The following EML6 variants were observed in gnomAD, a reference collection of about 807,000 sequenced individuals.
EML6 encodes the protein EMAP like 6.
In EML6, 154 loss-of-function variants were observed where a neutral mutation model predicts 240.1. That is an observed-to-expected ratio of 0.64 (90% CI 0.56 to 0.73). The LOEUF (loss-of-function observed/expected upper bound fraction) is 0.73. Ranked by LOEUF, EML6 falls within the 30% of genes least tolerant of loss-of-function variation. EML6 has a pLI of 0.00. For synonymous variants in EML6, 1,148 were observed against 899.0 expected (o/e 1.28, Z -4.95); for missense variants, 2,964 against 2,474.6 (o/e 1.20, Z -4.20).
At chr2:54,787,884 GA>G (rs1669173285) in intron 2 of EML6, among the ~76,000 whole-genome samples, 1 of 151,728 alleles carries the variant, frequency 6.6e-6, no homozygotes, top group African/African-American at 2.4e-5. Context: ...TAAGTTATTT[GA>G]AACCCGGTTG....
chr2:54,749,117 A>G (rs930369608), intron 2 of EML6, among the ~76,000 whole-genome samples: 1 of 152,244 alleles, frequency 6.6e-6, no homozygotes, highest in Non-Finnish European at 1.5e-5. Context: ...ACCAATGGAC[A>G]TGTAGGAAAA....
At chr2:54,909,277 G>A (rs1042511483) in intron 24 of EML6, among the ~76,000 whole-genome samples, 1 of 152,198 alleles carries the variant, frequency 6.6e-6, no homozygotes, top group African/African-American at 2.4e-5. Flanking sequence ...TAGTTCATCG[G>A]AAAAGTATTG....
chr2:54,954,003 A>G lies in EML6; in HGVS notation c.4333A>G (p.Ile1445Val). The G allele has an allele frequency of 5.2e-6, 8 of 1,551,492 alleles. No individual in the cohort carries two copies. Among genetic ancestry groups the G allele is most frequent in the Non-Finnish European group, 7.0e-6 (8 of 1,146,788 alleles). ...CTCAGGGACAACACCTTCCATCCAC[A>G]TATGGGACGCCATGACCAAACACAC... ...SQIGTTPSIHIWDAMTKHTLS... is the reference protein window; with the variant it reads ...SQIGTTPSIHVWDAMTKHTLS... Residue 1445 changes from isoleucine (I) to valine (V), a missense_variant, in exon 32 of 42, where the codon ATA becomes GTA. Physicochemically the swap from Ile to Val is conservative, Grantham distance 29. Transcript: ENST00000356458.
At position 54,950,734 on chromosome 2, in the gene EML6, A is replaced by G. The variant is rs765987218; in HGVS notation, c.4168A>G (p.Ile1390Val). 1.7e-5 allele frequency: 26 copies of G among 1,551,698 alleles called. No homozygotes were observed. The Middle Eastern group carries it at 5.0e-4, about 30-fold the overall frequency. Residue 1390 changes from isoleucine to valine, a missense_variant, in exon 30 of 42, where the codon ATC becomes GTC. Physicochemically the swap from Ile to Val is conservative, Grantham distance 29. Coordinates refer to ENST00000356458, the MANE Select transcript of EML6 (RefSeq NM_001039753.4). ...TTACCTTAATGATGGCGCTGACATC[A>G]TCTTCCACACAGCAGCGGCTGGCAT... is the stretch of plus-strand genomic sequence containing the variant. ...LHYLNDGADI[I>V]FHTAAAGIVQ...
Position 54,869,222 on chromosome 2 carries a change from A to C in EML6, c.2093A>C (p.Gln698Pro). 1 of 1,551,802 alleles carries C rather than the reference A, an allele frequency of 6.4e-7. No individual in the cohort carries two copies. The highest frequency in any genetic ancestry group is 1.7e-4 in the Middle Eastern group (1 of 5,928). Residue 698 changes from glutamine to proline, a missense_variant, in exon 15 of 42, where the codon CAA becomes CCA. Gln to Pro is a moderately conservative substitution (Grantham distance 76). Transcript: ENST00000356458. ...YDCRNNLFYT[Q>P]AGEVVYHIAA... ...TGTAGAAACAATCTGTTCTACACAC[A>C]AGCTGGAGAAGTAGTCTACCACATT...
At chr2:54,948,354 T>G (rs1675795592) in intron 28 of EML6, among the ~76,000 whole-genome samples, 1 of 152,116 alleles carries the variant, frequency 6.6e-6, no homozygotes, top group Non-Finnish European at 1.5e-5. Context: ...CCTGCCTGTC[T>G]GAGAAGTGAG....
chr2:54,916,750 CT>C lies in EML6; in HGVS notation c.3499-4del, dbSNP rs34875814. 4 of 1,481,036 alleles carry C rather than the reference CT, an allele frequency of 2.7e-6. No homozygotes were observed. Among genetic ancestry groups the C allele is most frequent in the Non-Finnish European group, 3.6e-6 (4 of 1,100,842 alleles). The allele number at this position is 1,481,036 out of a possible 1,614,324, so 91.7% of individuals were successfully genotyped here. On this transcript the variant is annotated splice_region_variant and splice_polypyrimidine_tract_variant and intron_variant, in intron 25 of 41. Transcript: ENST00000356458. ...TGCAAAAATATCATTCTCTTTCGTTCTTTTTCAGATCGAGAAGATAGAGTGG... is the reference window on the plus strand; with the variant it reads ...TGCAAAAATATCATTCTCTTTCGTTCTTTTCAGATCGAGAAGATAGAGTGG...
chr2:54,932,590 A>T lies in EML6; in HGVS notation c.4004+3839A>T, dbSNP rs540643859. ...TAATGTACTCTTTTGTCCATCTACA[A>T]ACTTAAGATATTTAATTGATACTTT... On this transcript the variant is annotated intron_variant, in intron 28 of 41. Coordinates refer to ENST00000356458, the MANE Select transcript of EML6 (RefSeq NM_001039753.4). 1.3e-4 allele frequency among the ~76,000 whole-genome samples: 20 copies of T among 152,262 alleles called. No individual in the cohort carries two copies. In the East Asian group the frequency reaches 3.9e-3, roughly 29 times the overall value.
At position 54,779,616 on chromosome 2, in the gene EML6, C is replaced by T. The variant is rs960999242; in HGVS notation, c.198-33616C>T. Reference sequence around the variant, plus strand: ...GTAGCTTACACCTGTAATCCCAGCACTTTGGGAGGCTGAGGCAGGTCGATC... The same window carrying T: ...GTAGCTTACACCTGTAATCCCAGCATTTTGGGAGGCTGAGGCAGGTCGATC... On this transcript the variant is annotated intron_variant, in intron 2 of 41. Coordinates refer to ENST00000356458, the MANE Select transcript of EML6 (RefSeq NM_001039753.4). 2.0e-5 allele frequency among the ~76,000 whole-genome samples: 3 copies of T among 149,358 alleles called. No homozygotes were observed. The South Asian group carries it at 6.3e-4, about 31-fold the overall frequency.
rs566227857 is a variant in EML6 at position 54,725,448 on chromosome 2, G to C, written c.197+190G>C. On this transcript the variant is annotated intron_variant, in intron 2 of 41. Coordinates refer to ENST00000356458, the MANE Select transcript of EML6 (RefSeq NM_001039753.4). This position sits in a 1 kb window ranked among gnomAD's most constrained non-coding sequence, Gnocchi z 4.3. Reference sequence around the variant, plus strand: ...ACAGTGTGGGGAGTGTAGGTGAGGAGGGAGAGATGTCTTTTCGCTGTATCC... The same window carrying C: ...ACAGTGTGGGGAGTGTAGGTGAGGACGGAGAGATGTCTTTTCGCTGTATCC... 4.6e-5 allele frequency among the ~76,000 whole-genome samples: 7 copies of C among 152,196 alleles called. 1 individual carries two copies. The South Asian group carries it at 1.0e-3, about 23-fold the overall frequency.
intron 19 of EML6, 137 bp downstream of exon 19, chr2:54,892,793 C>G (rs1017883643): frequency 3.1e-6 from 2 of 644,292 alleles, no homozygotes; most frequent in African/African-American, 3.7e-5. Flanking sequence ...AAAGCTCAGT[C>G]AAGAGACAAT....
chr2:54,899,458 A>T (rs1672943425), intron 21 of EML6, among the ~76,000 whole-genome samples, 183 bp from the exon 22 acceptor site: 2 of 151,726 alleles, frequency 1.3e-5, no homozygotes, highest in Non-Finnish European at 2.9e-5. Flanking sequence ...CTAGCTGTAG[A>T]TTCAAGTTTA....
rs528345971 is a variant in EML6 at position 54,814,041 on chromosome 2, C to A, written c.357+650C>A. ...CCTCACAGGCAATTTCTTGCTAATG[C>A]ATTTCATCAACTGAAAACGGTGTGA... On this transcript the variant is annotated intron_variant, in intron 3 of 41. Coordinates refer to ENST00000356458, the MANE Select transcript of EML6 (RefSeq NM_001039753.4). Among the ~76,000 whole-genome samples the A allele has an allele frequency of 3.3e-5, 5 of 152,332 alleles. No homozygotes were observed. In the East Asian group the frequency reaches 7.7e-4, roughly 23 times the overall value.
intron 2 of EML6, among the ~76,000 whole-genome samples, chr2:54,801,363 C>A (rs555470519): frequency 6.6e-6 from 1 of 151,426 alleles, no homozygotes; most frequent in East Asian, 1.9e-4. Context: ...AAAATTTCTT[C>A]CTATGACGTG....
Position 54,724,390 on chromosome 2 carries a change from C to A in EML6, c.-513-159C>A, listed in dbSNP as rs1236251487. Among the ~76,000 whole-genome samples the A allele has an allele frequency of 6.6e-6, 1 of 152,134 alleles. No homozygotes were observed. The highest frequency in any genetic ancestry group is 2.4e-5 in the African/African-American group (1 of 41,412). ...CAGGCAGCAGCATTTACGCATATTT[C>A]ATATCATTAAGGAGATGGAACTGGA... On this transcript the variant is annotated intron_variant, in intron 1 of 41. Coordinates refer to ENST00000356458, the MANE Select transcript of EML6 (RefSeq NM_001039753.4). The surrounding 1 kb of genome is among the most constrained non-coding windows in gnomAD (Gnocchi z 5.2).
intron 2 of EML6, among the ~76,000 whole-genome samples, chr2:54,791,274 G>C (rs1572901841): frequency 1.3e-5 from 2 of 152,292 alleles, no homozygotes; most frequent in South Asian, 2.1e-4. Flanking sequence ...AGTCCTGCCG[G>C]TATGCTCACG....
chr2:54,868,969 T>C, intron 14 of EML6: 1 of 477,726 alleles, frequency 2.1e-6, no homozygotes, highest in South Asian at 5.0e-5. Context: ...ACAGATTCTG[T>C]TACAATGTTC....
At chr2:54,907,769 A>G (rs1383910364) in intron 24 of EML6, among the ~76,000 whole-genome samples, 1 of 152,232 alleles carries the variant, frequency 6.6e-6, no homozygotes, top group Non-Finnish European at 1.5e-5. Context: ...GTGAATAAAA[A>G]TGTGATTCTG....
intron 25 of EML6, among the ~76,000 whole-genome samples, chr2:54,911,571 AG>A (rs750159012): frequency 6.6e-6 from 1 of 151,982 alleles, no homozygotes; most frequent in Non-Finnish European, 1.5e-5. Flanking sequence ...CTGGGATCAT[AG>A]GCATCTGCCA....
Sources: gnomAD v4.1 joint callset for allele counts (sites outside exome capture counted in the v4.1 genomes callset) on GRCh38, gnomAD v4.1.1 for gene constraint, Gnocchi (gnomAD v3.1) non-coding constraint, MANE v1.5 for transcripts, NCBI Gene and HGNC (gene_info 2026-07-23, HGNC 2026-07-21) for gene names.